NRK: variants seen among roughly 807,000 people sequenced by gnomAD.
NRK encodes the protein Nik related kinase.
A neutral mutation model predicts 125.2 loss-of-function variants in NRK; 67 were observed. That is an observed-to-expected ratio of 0.54 (90% confidence interval 0.44 to 0.66). The LOEUF is 0.66. Among genes scored for constraint, NRK ranks in the 30% least tolerant of loss-of-function variants. The pLI, the probability that NRK is intolerant of heterozygous loss-of-function variation, is 0.00. For missense variants in NRK, 1,224 were observed against 1,192.9 expected (o/e 1.03, Z -0.38); for synonymous variants, 458 against 429.0 (o/e 1.07, Z -0.84).
chrX:105,916,036 T>G (rs2040361129), intron 15 of NRK, among the ~76,000 whole-genome samples: 1 of 110,779 alleles, frequency 9.0e-6, no homozygotes, highest in Admixed American at 9.6e-5. Context: ...GATGGCAAGG[T>G]TCACAATTTT....
intron 16 of NRK, among the ~76,000 whole-genome samples, chrX:105,919,106 T>G (rs185743299): frequency 9.1e-6 from 1 of 110,496 alleles, no homozygotes; most frequent in East Asian, 2.8e-4. Context: ...ACAGCAGTAT[T>G]TGCAAATATA....
intron 1 of NRK, among the ~76,000 whole-genome samples, chrX:105,827,199 C>G (rs755473651): frequency 8.1e-5 from 9 of 111,472 alleles, no homozygotes; most frequent in Non-Finnish European, 1.5e-4. Flanking sequence ...ACTCATCTTG[C>G]CATATCCATC....
At chrX:105,842,142 A>G (rs753262906) in intron 2 of NRK, among the ~76,000 whole-genome samples, 189 of 111,827 alleles carry the variant, frequency 1.7e-3, no homozygotes, top group Non-Finnish European at 3.1e-3. Flanking sequence ...AAAAATTTAC[A>G]AGAAACTAAT....
intron 5 of NRK, among the ~76,000 whole-genome samples, chrX:105,889,434 C>T (rs2039988740): frequency 9.0e-6 from 1 of 111,611 alleles, no homozygotes; most frequent in South Asian, 3.8e-4. Context: ...GGTGGACCTG[C>T]CATTCAGGGT....
intron 5 of NRK, among the ~76,000 whole-genome samples, chrX:105,891,943 A>G (rs1237348655): frequency 8.9e-6 from 1 of 111,745 alleles, no homozygotes; most frequent in African/African-American, 3.3e-5. Flanking sequence ...TCTTTTTTAT[A>G]TATTTTCACT....
intron 19 of NRK, among the ~76,000 whole-genome samples, chrX:105,928,162 C>T (rs747626257): frequency 3.6e-5 from 4 of 111,238 alleles, no homozygotes; most frequent in Admixed American, 1.9e-4. Flanking sequence ...CTGATTCAAT[C>T]GCATTATTCA....
At chrX:105,880,304 C>T (rs180821067) in intron 3 of NRK, 49 bp downstream of exon 3, 1 of 503,397 alleles carries the variant, frequency 2.0e-6, no homozygotes. Context: ...GACTGTGTTC[C>T]TGGGATACAC....
intron 7 of NRK, among the ~76,000 whole-genome samples, chrX:105,897,604 G>GT (rs1282706504): frequency 9.0e-6 from 1 of 110,949 alleles, no homozygotes; most frequent in Non-Finnish European, 1.9e-5. Flanking sequence ...GCCTTCCTAG[G>GT]TAATTCTTGG....
At chrX:105,863,106 C>T (rs1382780606) in intron 2 of NRK, among the ~76,000 whole-genome samples, 3 of 111,437 alleles carry the variant, frequency 2.7e-5, no homozygotes, top group African/African-American at 6.5e-5. Context: ...AAACCTCAGC[C>T]CAGGCTTTTG....
chrX:105,908,355 C>T (rs1355554056), intron 12 of NRK, 52 bp downstream of exon 12: 2 of 609,087 alleles, frequency 3.3e-6, no homozygotes, highest in Non-Finnish European at 4.9e-6. Context: ...TCACATAAGG[C>T]CGTTGATTCC....
chrX:105,824,470 A>G (rs1186359565), intron 1 of NRK, among the ~76,000 whole-genome samples: 2 of 111,271 alleles, frequency 1.8e-5, no homozygotes, highest in Non-Finnish European at 3.8e-5. Flanking sequence ...TAGGGCAGAT[A>G]TGTGAAACTG....
In NRK at chrX:105,955,708, A is replaced by G; in HGVS notation, c.*108A>G. 2.2e-6 allele frequency: 1 copy of G among 453,928 alleles called. No homozygotes were observed. The highest frequency in any genetic ancestry group is 3.9e-6 in the Non-Finnish European group (1 of 256,480). The allele number at this position is 453,928 out of a possible 1,213,427, so 37.4% of individuals were successfully genotyped here. A position where few individuals can be genotyped will look rare whatever the true frequency, so the allele number is the denominator to read the frequency against. Reference sequence around the variant, plus strand: ...TTCAGTTTTATTTTTAGTAAAGATTAAATCCAAAACTTTACTTTTAATGTA... The same window carrying G: ...TTCAGTTTTATTTTTAGTAAAGATTGAATCCAAAACTTTACTTTTAATGTA... On this transcript the variant is annotated 3_prime_UTR_variant, in exon 29 of 29. Transcript: ENST00000243300.
intron 26 of NRK, among the ~76,000 whole-genome samples, chrX:105,947,700 A>G (rs1192133236): frequency 1.8e-5 from 2 of 111,836 alleles, no homozygotes; most frequent in Non-Finnish European, 3.8e-5. Context: ...CCCAATTTTT[A>G]GACAACCAAA....
chrX:105,859,470 T>C (rs1482680729), intron 2 of NRK, among the ~76,000 whole-genome samples: 1 of 111,922 alleles, frequency 8.9e-6, no homozygotes, highest in Non-Finnish European at 1.9e-5. Context: ...TAGACTACTC[T>C]TATGCCAATG....
chrX:105,884,561 T>C (rs2147712094), intron 4 of NRK, among the ~76,000 whole-genome samples: 1 of 111,815 alleles, frequency 8.9e-6, no homozygotes, highest in Non-Finnish European at 1.9e-5. Flanking sequence ...GAGAAGGTAA[T>C]AACTGAGTTA....
intron 2 of NRK, among the ~76,000 whole-genome samples, chrX:105,842,695 A>G (rs180883038): frequency 9.0e-6 from 1 of 111,711 alleles, no homozygotes; most frequent in African/African-American, 3.2e-5. Context: ...GGGCTGAATA[A>G]ATTACATGTA....
chrX:105,872,063 C>T (rs1340294261), intron 2 of NRK, among the ~76,000 whole-genome samples: 1 of 111,142 alleles, frequency 9.0e-6, no homozygotes, highest in Non-Finnish European at 1.9e-5. Context: ...TCAGAAATAT[C>T]GACTCCTGCC....
intron 8 of NRK, among the ~76,000 whole-genome samples, 174 bp downstream of exon 8, chrX:105,898,888 A>G (rs2040120322): frequency 8.9e-6 from 1 of 112,527 alleles, no homozygotes; most frequent in South Asian, 3.7e-4. Flanking sequence ...TATTCATAAA[A>G]TAATATTTTC....
At chrX:105,922,526 A>C (rs1380779058) in intron 17 of NRK, among the ~76,000 whole-genome samples, 1 of 112,045 alleles carries the variant, frequency 8.9e-6, no homozygotes, top group Non-Finnish European at 1.9e-5. Flanking sequence ...CAGATTTTAA[A>C]TTGTCCTAAT....
Sources: gnomAD v4.1 joint callset for allele counts (sites outside exome capture counted in the v4.1 genomes callset) on GRCh38, gnomAD v4.1.1 for gene constraint, MANE v1.5 for transcripts, NCBI Gene and HGNC (gene_info 2026-07-23, HGNC 2026-07-21) for gene names.